Variants in PMM2 observed in about 807,000 individuals in gnomAD.
The protein encoded by PMM2 is mannose-6-phosphate isomerase.
Under a neutral mutation model 33.2 loss-of-function variants are expected in PMM2, and 35 were observed. The ratio of observed to expected loss-of-function variants is 1.06; its 90% CI spans 0.81 to 1.40. PMM2 has a LOEUF of 1.40. PMM2 is among the 40% of genes most tolerant of loss of function. The pLI is 0.00. For missense variants in PMM2, 386 were observed against 306.0 expected (o/e 1.26, Z -1.95); for synonymous variants, 153 against 114.7 (o/e 1.33, Z -2.13).
chr16:8,811,761 G>T (rs1236710895), intron 6 of PMM2, 48 bp downstream of exon 6: 23 of 1,305,364 alleles, frequency 1.8e-5, no homozygotes, highest in Non-Finnish European at 2.3e-5. Context: ...CCATTTCCCA[G>T]AGTTTGTTGT....
At chr16:8,845,252 T>G (rs916832330) in intron 7 of PMM2, among the ~76,000 whole-genome samples, 4 of 152,118 alleles carry the variant, frequency 2.6e-5, no homozygotes, top group Admixed American at 6.5e-5. Context: ...TGGGGAGAAT[T>G]TCAAAGAACC....
At chr16:8,826,246 T>C (rs948328252) in intron 7 of PMM2, among the ~76,000 whole-genome samples, 13 of 152,366 alleles carry the variant, frequency 8.5e-5, no homozygotes, top group Non-Finnish European at 1.5e-4. Flanking sequence ...ATTTTGTCTT[T>C]CAACCAAAAA....
At chr16:8,804,878 T>C (rs1477466609) in intron 3 of PMM2, 35 bp downstream of exon 3, 2 of 1,326,674 alleles carry the variant, frequency 1.5e-6, no homozygotes, top group African/African-American at 2.9e-5. Context: ...CTATATACTA[T>C]TAAAAGTGTT....
At chr16:8,837,807 C>T (rs1307330089) in intron 7 of PMM2, among the ~76,000 whole-genome samples, 7 of 151,948 alleles carry the variant, frequency 4.6e-5, no homozygotes, top group African/African-American at 9.7e-5. Flanking sequence ...ACCTTTGAAA[C>T]GTGGGTAAAT....
chr16:8,828,984 CT>C (rs1249520221), intron 7 of PMM2, among the ~76,000 whole-genome samples: 4 of 152,072 alleles, frequency 2.6e-5, no homozygotes, highest in Admixed American at 6.6e-5. Context: ...CTTTGTTTTT[CT>C]TTTTTCTTTT....
At position 8,847,656 on chromosome 16, in the gene PMM2, A is replaced by G. The variant is rs2060936005; in HGVS notation, c.640-68A>G. 4.3e-6 allele frequency: 5 copies of G among 1,174,776 alleles called. No homozygotes were observed. The Admixed American group carries it at 5.0e-5, about 12-fold the overall frequency. The allele number at this position is 1,174,776 out of a possible 1,614,324, so 72.8% of individuals were successfully genotyped here. On this transcript the variant is annotated intron_variant, in intron 7 of 7. Coordinates refer to ENST00000268261, the MANE Select transcript of PMM2 (RefSeq NM_000303.3). Reference sequence around the variant, plus strand: ...TGTTTTTTGGGTACTTTTGGACTCCAGGGTCACATCAGCAATGGCCCGGGA... The same window carrying G: ...TGTTTTTTGGGTACTTTTGGACTCCGGGGTCACATCAGCAATGGCCCGGGA...
chr16:8,811,095 T>G lies in PMM2; in HGVS notation c.364T>G (p.Phe122Val), dbSNP rs1355182427. ...CATTCCCAGGGGTACTTTCATTGAA[T>G]TCCGAAATGGGATGTTAAACGTGTC... ...LPKKRGTFIE[F>V]RNGMLNVSPI... The change falls in exon 5 of 8, where the codon TTC becomes GTC. Residue 122 changes from phenylalanine to valine, a missense_variant. Coordinates refer to ENST00000268261, the MANE Select transcript of PMM2 (RefSeq NM_000303.3). The G allele has an allele frequency of 1.3e-6, 2 of 1,568,588 alleles. No homozygotes were observed. Among genetic ancestry groups the G allele is most frequent in the East Asian group, 2.3e-5 (1 of 43,008 alleles).
intron 7 of PMM2, among the ~76,000 whole-genome samples, chr16:8,838,062 G>A (rs371199886): frequency 6.6e-6 from 1 of 152,084 alleles, no homozygotes; most frequent in South Asian, 2.1e-4. Context: ...GGCTGAGTCC[G>A]AAAAGAGAGT....
intron 1 of PMM2, among the ~76,000 whole-genome samples, chr16:8,800,683 T>G (rs920289449): frequency 1.0e-5 from 1 of 95,652 alleles, no homozygotes; most frequent in South Asian, 3.6e-4. Flanking sequence ...TTTTTTTTTG[T>G]TTTGTTTTGT....
At chr16:8,804,041 T>G (rs1396959387) in intron 2 of PMM2, among the ~76,000 whole-genome samples, 3 of 143,718 alleles carry the variant, frequency 2.1e-5, no homozygotes, top group Non-Finnish European at 4.5e-5. Context: ...GTTTTTTTTT[T>G]TTTTTTTTTT....
Position 8,831,636 on chromosome 16 carries a change from C to T in PMM2, c.640-16088C>T, listed in dbSNP as rs139588633. On this transcript the variant is annotated intron_variant, in intron 7 of 7. Transcript: ENST00000268261. The stretch of plus-strand genomic sequence containing the variant: ...CCACTGCTACCAGCGAAGCAGTTCA[C>T]GCAGGCTGTGATAGATCACACTGTT... 2.8e-4 allele frequency among the ~76,000 whole-genome samples: 43 copies of T among 152,338 alleles called. 1 individual carries two copies. In the East Asian group the frequency reaches 7.9e-3, roughly 28 times the overall value.
intron 7 of PMM2, among the ~76,000 whole-genome samples, chr16:8,818,595 A>G (rs1339610856): frequency 6.6e-6 from 1 of 152,156 alleles, no homozygotes; most frequent in African/African-American, 2.4e-5. Context: ...TAAAAAAGCC[A>G]TTTCTCAGCC....
chr16:8,812,885 C>T (rs960307848), intron 6 of PMM2, 106 bp from the exon 7 acceptor site: 1 of 765,188 alleles, frequency 1.3e-6, no homozygotes, highest in Non-Finnish European at 2.4e-6. Context: ...GAAAATCAAC[C>T]TTGGCAACCC....
intron 7 of PMM2, among the ~76,000 whole-genome samples, chr16:8,830,573 C>T (rs904868248): frequency 9.2e-5 from 14 of 151,710 alleles, no homozygotes; most frequent in Non-Finnish European, 1.3e-4. Flanking sequence ...ATCAAAGTGC[C>T]GGTTGAATCA....
intron 7 of PMM2, chr16:8,832,280 C>CACT: frequency 1.0e-6 from 1 of 985,430 alleles, no homozygotes; most frequent in African/African-American, 1.7e-5. Context: ...TCCTGCGAGC[C>CACT]GTGCGGCTCT....
In PMM2 at chr16:8,836,107, C is replaced by T. The variant is rs377304459; in HGVS notation, c.640-11617C>T. ...GGTTTAGAAGCCTGGCCGTCAATAC[C>T]CACAACAGTTACGGAGGCAAGGGAA... On this transcript the variant is annotated intron_variant, in intron 7 of 7. Coordinates refer to ENST00000268261, the MANE Select transcript of PMM2 (RefSeq NM_000303.3). 2.7e-4 allele frequency among the ~76,000 whole-genome samples: 41 copies of T among 151,678 alleles called. No homozygotes were observed. The East Asian group carries it at 3.1e-3, about 11-fold the overall frequency.
At chr16:8,842,446 G>A (rs957891455) in intron 7 of PMM2, 5 of 152,258 alleles carry the variant, frequency 3.3e-5, no homozygotes, top group Non-Finnish European at 7.3e-5. Context: ...AATGAGGGCT[G>A]TCCCTGAAAC....
chr16:8,806,733 G>T, intron 4 of PMM2: 1 of 358,442 alleles, frequency 2.8e-6, no homozygotes, highest in Non-Finnish European at 5.2e-6. Context: ...GTACAAGAAT[G>T]ATTACGTAAA....
intron 7 of PMM2, among the ~76,000 whole-genome samples, chr16:8,837,808 G>A (rs1226218317): frequency 6.6e-6 from 1 of 152,028 alleles, no homozygotes; most frequent in Non-Finnish European, 1.5e-5. Context: ...CCTTTGAAAC[G>A]TGGGTAAATA....
Sources: allele counts gnomAD v4.1 joint callset (sites outside exome capture counted in the v4.1 genomes callset), GRCh38; gene constraint gnomAD v4.1.1; transcripts MANE v1.5; gene names NCBI Gene and HGNC (gene_info 2026-07-23, HGNC 2026-07-21).